NCKAP1: variants seen among roughly 807,000 people sequenced by gnomAD.
NCKAP1 encodes the protein NCK associated protein 1.
A neutral mutation model predicts 151.2 loss-of-function variants in NCKAP1; 21 were observed. The ratio of observed to expected loss-of-function variants is 0.14; its 90% CI spans 0.10 to 0.20. NCKAP1 has a LOEUF of 0.20. NCKAP1 is among the 10% of genes least tolerant of loss of function. The pLI, the probability that NCKAP1 is intolerant of heterozygous loss-of-function variation, is 1.00. For synonymous variants in NCKAP1, 484 were observed against 451.8 expected, an observed-to-expected ratio of 1.07 and a Z score of -0.90; for missense variants, 933 against 1,352.1, an observed-to-expected ratio of 0.69 and a Z score of 4.86.
chr2:182,975,899 T>C (rs529754076), intron 15 of NCKAP1, among the ~76,000 whole-genome samples: 1 of 152,240 alleles, frequency 6.6e-6, no homozygotes, highest in South Asian at 2.1e-4. Context: ...GGCAAGACCC[T>C]GCCTCTAAAA....
In NCKAP1 at chr2:182,920,293, T is replaced by C. The variant is rs1238722631; in HGVS notation, c.*5409A>G. On this transcript the variant is annotated 3_prime_UTR_variant, in exon 31 of 31. Coordinates refer to ENST00000361354, the MANE Select transcript of NCKAP1 (RefSeq NM_013436.5). ...CTGGCCACCAGTACTTCTTACGTAA[T>C]ACTTGCTGTAGAGAATCTCTTTCTA... 3 of 152,150 alleles carry C rather than the reference T, an allele frequency of 2.0e-5. No homozygotes were observed. The highest frequency in any genetic ancestry group is 7.2e-5 in the African/African-American group (3 of 41,428). The allele number at this position is 152,150 out of a possible 1,614,324, so 9.4% of individuals were successfully genotyped here. A position where few individuals can be genotyped will look rare whatever the true frequency, so the allele number is the denominator to read the frequency against.
chr2:182,948,277 G>C (rs565486147), intron 23 of NCKAP1, among the ~76,000 whole-genome samples: 2 of 152,006 alleles, frequency 1.3e-5, no homozygotes, highest in East Asian at 3.9e-4. Context: ...AAAATGAAAA[G>C]TCAAGTAAGA....
intron 26 of NCKAP1, among the ~76,000 whole-genome samples, chr2:182,934,244 TCTC>T (rs1696825704): frequency 6.6e-6 from 1 of 151,674 alleles, no homozygotes; most frequent in Admixed American, 6.6e-5. Context: ...TTCACACCAT[TCTC>T]CTGTCTCAGC....
chr2:182,953,422 A>G, intron 20 of NCKAP1, 91 bp from the exon 21 acceptor site: 3 of 756,014 alleles, frequency 4.0e-6, no homozygotes, highest in Non-Finnish European at 6.2e-6. Flanking sequence ...CTAATATTAA[A>G]CAAGCAATAA....
rs1696498283 is a variant in NCKAP1 at position 182,918,431 on chromosome 2, C to T, written c.*7271G>A. ...CATAACTGCAAAGATATGGAACCAA[C>T]CTAAGTGCCCACTGACCAATGAGTG... On this transcript the variant is annotated 3_prime_UTR_variant, in exon 31 of 31. Transcript: ENST00000361354. 6.6e-6 allele frequency: 1 copy of T among 152,086 alleles called. No individual in the cohort carries two copies. The highest frequency in any genetic ancestry group is 1.5e-5 in the Non-Finnish European group (1 of 68,016). The allele number at this position is 152,086 out of a possible 1,614,324, so 9.4% of individuals were successfully genotyped here. A position where few individuals can be genotyped will look rare whatever the true frequency, so the allele number is the denominator to read the frequency against.
At position 182,953,103 on chromosome 2, in the gene NCKAP1, C is replaced by T; in HGVS notation, c.2372+10G>A. Reference sequence around the variant, plus strand: ...TTCCGCTACTACAAATTTCTAAATGCATTCCTTACCAATTTGTGTATAGAC... The same window carrying T: ...TTCCGCTACTACAAATTTCTAAATGTATTCCTTACCAATTTGTGTATAGAC... On this transcript the variant is annotated intron_variant, in intron 21 of 30. Coordinates refer to ENST00000361354, the MANE Select transcript of NCKAP1 (RefSeq NM_013436.5). 2 of 1,587,136 alleles carry T rather than the reference C, an allele frequency of 1.3e-6. No homozygotes were observed. The highest frequency in any genetic ancestry group is 1.7e-6 in the Non-Finnish European group (2 of 1,167,054).
At chr2:183,031,299 T>C (rs915138274) in intron 1 of NCKAP1, among the ~76,000 whole-genome samples, 5 of 152,220 alleles carry the variant, frequency 3.3e-5, no homozygotes, top group African/African-American at 1.2e-4. Flanking sequence ...TATATGTCAC[T>C]GTTGCCTTTA....
intron 19 of NCKAP1, 166 bp from the exon 20 acceptor site, chr2:182,956,759 A>G (rs560685821): frequency 2.6e-5 from 16 of 604,234 alleles, no homozygotes; most frequent in African/African-American, 2.5e-4. Flanking sequence ...TAACTAACAC[A>G]TAAGAGCAAT....
At position 182,957,611 on chromosome 2, in the gene NCKAP1, GAATGAAATCTTACATT is replaced by G; in HGVS notation, c.1882-31_1882-16del. ...TTGGGTAGCAACTAAATTTAGAAAA[GAATGAAATCTTACATT>G]ACACCAATTACTCTGAAAGCATACT... On this transcript the variant is annotated splice_polypyrimidine_tract_variant and intron_variant, in intron 18 of 30. Transcript: ENST00000361354. The G allele has an allele frequency of 6.2e-7, 1 of 1,607,870 alleles. No individual in the cohort carries two copies. Among genetic ancestry groups the G allele is most frequent in the Non-Finnish European group, 8.5e-7 (1 of 1,177,848 alleles).
intron 2 of NCKAP1, among the ~76,000 whole-genome samples, chr2:183,005,370 T>C (rs1034615285): frequency 6.6e-6 from 1 of 152,190 alleles, no homozygotes; most frequent in African/African-American, 2.4e-5. Flanking sequence ...ACCATCTTAC[T>C]ATGAGCCTTA....
intron 28 of NCKAP1, 111 bp downstream of exon 28, chr2:182,928,672 A>C (rs1696697904): frequency 3.0e-6 from 2 of 667,196 alleles, no homozygotes; most frequent in Admixed American, 6.3e-5. Flanking sequence ...AGGGAAACAG[A>C]CTACCCCATG....
intron 6 of NCKAP1, among the ~76,000 whole-genome samples, chr2:183,001,365 A>T (rs532924060): frequency 3.3e-5 from 5 of 152,310 alleles, no homozygotes; most frequent in Admixed American, 2.6e-4. Flanking sequence ...CCATAATGAC[A>T]AGACTACTTA....
chr2:182,982,664 T>G (rs566375747), intron 12 of NCKAP1, among the ~76,000 whole-genome samples, 157 bp downstream of exon 12: 1 of 152,204 alleles, frequency 6.6e-6, no homozygotes, highest in African/African-American at 2.4e-5. Flanking sequence ...GAAGGTAGGC[T>G]AGGCTAAGCT....
intron 18 of NCKAP1, 93 bp from the exon 19 acceptor site, chr2:182,957,689 G>T (rs569114349): frequency 6.9e-5 from 90 of 1,308,480 alleles, no homozygotes; most frequent in Non-Finnish European, 9.1e-5. Context: ...TCCAGGCTGT[G>T]TTGCAAATAT....
chr2:182,918,600 G>C lies in NCKAP1; in HGVS notation c.*7102C>G, dbSNP rs768074325. On this transcript the variant is annotated 3_prime_UTR_variant, in exon 31 of 31. Transcript: ENST00000361354. ...ACTCAGGAACAGAAAACCAAATACC[G>C]TATGTTCTCACTTGTAAGTGGGAGC... 6.6e-6 allele frequency: 1 copy of C among 152,138 alleles called. No individual in the cohort carries two copies. Among genetic ancestry groups the C allele is most frequent in the Non-Finnish European group, 1.5e-5 (1 of 68,030 alleles). The allele number at this position is 152,138 out of a possible 1,614,324, so 9.4% of individuals were successfully genotyped here. A position where few individuals can be genotyped will look rare whatever the true frequency, so the allele number is the denominator to read the frequency against.
chr2:182,987,884 G>C (rs781229894), intron 9 of NCKAP1, among the ~76,000 whole-genome samples: 1 of 152,138 alleles, frequency 6.6e-6, no homozygotes, highest in Non-Finnish European at 1.5e-5. Context: ...AAAGGAGTGG[G>C]GGGGGAGTGG....
At chr2:182,965,164 G>A (rs1320261609) in intron 16 of NCKAP1, among the ~76,000 whole-genome samples, 1 of 151,906 alleles carries the variant, frequency 6.6e-6, no homozygotes, top group Non-Finnish European at 1.5e-5. Flanking sequence ...GCCAAGGCAG[G>A]TGGATCACTG....
At chr2:182,946,216 G>A (rs552752858) in intron 23 of NCKAP1, among the ~76,000 whole-genome samples, 14 of 152,162 alleles carry the variant, frequency 9.2e-5, no homozygotes, top group South Asian at 2.1e-4. Context: ...TGGCTAACAC[G>A]GTGAAACCCC....
At chr2:183,023,733 T>C in intron 2 of NCKAP1, 73 bp downstream of exon 2, 2 of 1,180,774 alleles carry the variant, frequency 1.7e-6, no homozygotes, top group Non-Finnish European at 2.5e-6. Flanking sequence ...AGAGCTACTA[T>C]AAGCACTGTG....
Sources: allele counts gnomAD v4.1 joint callset (sites outside exome capture counted in the v4.1 genomes callset), GRCh38; gene constraint gnomAD v4.1.1; transcripts MANE v1.5; gene names NCBI Gene and HGNC (gene_info 2026-07-23, HGNC 2026-07-21).